The following RARB variants were observed in gnomAD, a reference collection of about 807,000 sequenced individuals.
RARB encodes HBV-activated protein.
In RARB, 17 loss-of-function variants were observed where a neutral mutation model predicts 51.9. That is an observed-to-expected ratio of 0.33 (90% CI 0.22 to 0.49). RARB has a LOEUF of 0.49. RARB is among the 20% of genes least tolerant of loss of function. The pLI is 0.99. For missense variants in RARB, 369 were observed against 550.8 expected, an observed-to-expected ratio of 0.67 and a Z score of 3.30; for synonymous variants, 215 against 195.4, an observed-to-expected ratio of 1.10 and a Z score of -0.84.
At chr3:24,884,321 G>A (rs534003671) in intron 2 of RARB, among the ~76,000 whole-genome samples, 3 of 152,200 alleles carry the variant, frequency 2.0e-5, no homozygotes, top group African/African-American at 7.2e-5. Context: ...CTATTACACT[G>A]AAATATGAAA....
chr3:24,859,096 A>G (rs948488187), intron 2 of RARB, among the ~76,000 whole-genome samples: 6 of 150,944 alleles, frequency 4.0e-5, no homozygotes, highest in Non-Finnish European at 7.4e-5. Flanking sequence ...ATTAGAAGCT[A>G]TGGTCAGTAA....
intron 2 of RARB, among the ~76,000 whole-genome samples, chr3:24,930,645 C>T (rs572823333): frequency 5.9e-5 from 9 of 152,176 alleles, no homozygotes; most frequent in East Asian, 3.9e-4. Context: ...GTGCCCAACA[C>T]GGTTCCAAAT....
rs144882145 is a variant in RARB, at chr3:25,088,628, G to C, written c.-328+28452G>C. Reference sequence around the variant, plus strand: ...GTTTGTGAAAGTAAAGAAAACAAAAGTCAGACCACCTCAAGATGGCTTATC... The same window carrying C: ...GTTTGTGAAAGTAAAGAAAACAAAACTCAGACCACCTCAAGATGGCTTATC... On this transcript the variant is annotated intron_variant, in intron 3 of 11. Coordinates refer to the RARB transcript ENST00000383772. 4.1e-4 allele frequency among the ~76,000 whole-genome samples: 63 copies of C among 152,230 alleles called. No homozygotes were observed. The East Asian group carries it at 0.011, about 27-fold the overall frequency.
chr3:25,047,243 T>C lies in RARB; in HGVS notation c.-379-12882T>C, dbSNP rs76263202. Among the ~76,000 whole-genome samples the C allele has an allele frequency of 2.6e-4, 40 of 152,278 alleles. 2 individuals are homozygous for C. The East Asian group carries it at 7.7e-3, about 29-fold the overall frequency. ...TAAAACTATTTTGTGCCTGGGAGATTAGAATGGCAAATGGTGACTCATATT... is the reference window on the plus strand; with the variant it reads ...TAAAACTATTTTGTGCCTGGGAGATCAGAATGGCAAATGGTGACTCATATT... On this transcript the variant is annotated intron_variant, in intron 2 of 11. Transcript: ENST00000383772.
chr3:24,857,135 T>C (rs1438847976), intron 1 of RARB, among the ~76,000 whole-genome samples: 1 of 152,094 alleles, frequency 6.6e-6, no homozygotes, highest in East Asian at 1.9e-4. Flanking sequence ...CTAAAGAAGT[T>C]AAAAAAAATC....
chr3:25,270,695 C>T (rs1177177313), intron 5 of RARB, among the ~76,000 whole-genome samples: 2 of 152,156 alleles, frequency 1.3e-5, no homozygotes, highest in Non-Finnish European at 2.9e-5. Context: ...ACACATATCA[C>T]CTTATGATGT....
rs562329859 is a variant in RARB at position 25,269,817 on chromosome 3, G to A, written c.178+95242G>A. ...CAAAATTTGTATATACTCATTTTAT[G>A]CTAAAAATGTCATGTTTAAGTGGCC... On this transcript the variant is annotated intron_variant, in intron 5 of 11. Coordinates refer to the RARB transcript ENST00000383772. Among the ~76,000 whole-genome samples the A allele has an allele frequency of 2.6e-5, 4 of 152,142 alleles. No individual in the cohort carries two copies. The East Asian group carries it at 7.7e-4, about 29-fold the overall frequency.
At chr3:25,038,814 G>A (rs1333004390) in intron 2 of RARB, among the ~76,000 whole-genome samples, 2 of 152,156 alleles carry the variant, frequency 1.3e-5, no homozygotes, top group Non-Finnish European at 2.9e-5. Flanking sequence ...ACCACCTGGA[G>A]CCTTATTGCC....
chr3:25,246,219 C>T (rs1190921407), intron 5 of RARB, among the ~76,000 whole-genome samples: 2 of 152,178 alleles, frequency 1.3e-5, no homozygotes, highest in East Asian at 1.9e-4. Context: ...AGCAGTACTT[C>T]TAACATTTTT....
intron 2 of RARB, among the ~76,000 whole-genome samples, chr3:25,494,250 T>TACACACACACTC (rs142658742): frequency 7.3e-6 from 1 of 137,054 alleles, no homozygotes; most frequent in Non-Finnish European, 1.7e-5. Context: ...AGCTGTATCT[T>TACACACACACTC]ACGCACACAC....
intron 3 of RARB, among the ~76,000 whole-genome samples, chr3:25,513,687 T>C (rs182182739): frequency 0.019 from 1,527 of 79,552 alleles, 21 homozygotes; most frequent in African/African-American, 0.17. Context: ...CACACACACA[T>C]TTCATCAAAT....
chr3:25,342,601 A>T (rs576265018), intron 5 of RARB, among the ~76,000 whole-genome samples: 1 of 152,214 alleles, frequency 6.6e-6, no homozygotes, highest in African/African-American at 2.4e-5. Flanking sequence ...GGTTGGACCC[A>T]ATATCAGCAA....
Position 25,545,364 on chromosome 3 carries a change from G to C in RARB, c.449-24394G>C, listed in dbSNP as rs184577288. The stretch of plus-strand genomic sequence containing the variant: ...TGCTTTGTCTCCTTGCCTCTCAAAG[G>C]TGCTCAGTGTGGCTTAGATATCTGC... On this transcript the variant is annotated intron_variant, in intron 3 of 7. Coordinates refer to ENST00000330688, the MANE Select transcript of RARB (RefSeq NM_000965.5). Among the ~76,000 whole-genome samples, 322 of 152,230 alleles carry C rather than the reference G, an allele frequency of 2.1e-3. 1 individual carries two copies. Among genetic ancestry groups the C allele is most frequent in the African/African-American group, 7.4e-3 (309 of 41,532 alleles).
Position 24,953,976 on chromosome 3 carries a change from G to A in RARB, c.-380+95224G>A, listed in dbSNP as rs116808200. 4.0e-3 allele frequency among the ~76,000 whole-genome samples: 603 copies of A among 152,148 alleles called. 5 individuals are homozygous for A. The highest frequency in any genetic ancestry group is 0.013 in the African/African-American group (543 of 41,500). ...TTTGTTCTTACTTTCTTTTCTGAGCGCTCAGATGAGTTTTGTCTCTTTGTC... is the reference window on the plus strand; with the variant it reads ...TTTGTTCTTACTTTCTTTTCTGAGCACTCAGATGAGTTTTGTCTCTTTGTC... On this transcript the variant is annotated intron_variant, in intron 2 of 11. Coordinates refer to the RARB transcript ENST00000383772.
intron 5 of RARB, among the ~76,000 whole-genome samples, chr3:25,328,392 C>A (rs915924889): frequency 6.6e-6 from 1 of 152,232 alleles, no homozygotes; most frequent in Non-Finnish European, 1.5e-5. Context: ...TGGTGGTGCA[C>A]ACCTGTAATC....
intron 2 of RARB, among the ~76,000 whole-genome samples, chr3:25,054,466 A>C (rs529787392): frequency 2.9e-4 from 44 of 152,124 alleles, no homozygotes; most frequent in Non-Finnish European, 4.4e-4. Flanking sequence ...AGAGCTGTGG[A>C]GATGGTGGTG....
chr3:25,041,488 G>A lies in RARB; in HGVS notation c.-379-18637G>A, dbSNP rs1698113511. 2.6e-5 allele frequency among the ~76,000 whole-genome samples: 4 copies of A among 151,684 alleles called. No homozygotes were observed. The South Asian group carries it at 8.3e-4, about 31-fold the overall frequency. On this transcript the variant is annotated intron_variant, in intron 2 of 11. Transcript: ENST00000383772. ...ACTGGTCTGACATCCTTAGTGGACGGAGGTGGAGGAAGACATTAGGGAACA... is the reference window on the plus strand; with the variant it reads ...ACTGGTCTGACATCCTTAGTGGACGAAGGTGGAGGAAGACATTAGGGAACA...
intron 2 of RARB, among the ~76,000 whole-genome samples, chr3:24,859,129 C>G (rs1020726142): frequency 6.6e-6 from 1 of 151,694 alleles, no homozygotes; most frequent in African/African-American, 2.4e-5. Context: ...TTAGCCCTAC[C>G]TGGTTTTTAG....
At chr3:25,032,915 C>T (rs1697905358) in intron 2 of RARB, among the ~76,000 whole-genome samples, 1 of 152,166 alleles carries the variant, frequency 6.6e-6, no homozygotes. Flanking sequence ...CAATACATTA[C>T]CTCATGCAAT....
Sources: allele counts gnomAD v4.1 joint callset (sites outside exome capture counted in the v4.1 genomes callset), GRCh38; gene constraint gnomAD v4.1.1; transcripts MANE v1.5; gene names NCBI Gene and HGNC (gene_info 2026-07-23, HGNC 2026-07-21).